The following KDM4B variants were observed in gnomAD, a reference collection of about 807,000 sequenced individuals.
KDM4B encodes the protein lysine-specific demethylase 4B.
KDM4B carries 32 observed loss-of-function variants against 125.2 expected under a neutral mutation model. That is an observed-to-expected ratio of 0.26 (90% confidence interval 0.19 to 0.34). KDM4B has a LOEUF of 0.34. Ranked by LOEUF, KDM4B falls within the 10% of genes least tolerant of loss-of-function variation. The probability of loss-of-function intolerance (pLI) is 1.00; values close to 1 mark genes in which losing one functional copy is unlikely to be tolerated. For synonymous variants in KDM4B, 721 were observed against 677.9 expected, an observed-to-expected ratio of 1.06 and a Z score of -0.99; for missense variants, 1,190 against 1,577.7, an observed-to-expected ratio of 0.75 and a Z score of 4.16.
intron 1 of KDM4B, among the ~76,000 whole-genome samples, chr19:4,988,434 C>T (rs1390818265): frequency 2.0e-5 from 3 of 152,128 alleles, no homozygotes; most frequent in Non-Finnish European, 4.4e-5. Context: ...CGCCACCACG[C>T]CCGGCTAATT....
chr19:5,091,155 C>T (rs553981926), intron 9 of KDM4B, among the ~76,000 whole-genome samples: 15 of 152,362 alleles, frequency 9.8e-5, no homozygotes, highest in African/African-American at 3.4e-4. Flanking sequence ...AGCACGCGGC[C>T]GGGCTGGCCC....
At chr19:4,980,223 T>C (rs2034588992) in intron 1 of KDM4B, among the ~76,000 whole-genome samples, 1 of 152,146 alleles carries the variant, frequency 6.6e-6, no homozygotes, top group Non-Finnish European at 1.5e-5. Flanking sequence ...CCTCCACCAG[T>C]GGTCACTATC....
In KDM4B at chr19:5,141,119, G is replaced by A. The variant is rs2039734850; in HGVS notation, c.2551-2848G>A. 1.3e-5 allele frequency: 2 copies of A among 152,370 alleles called. No homozygotes were observed. Among genetic ancestry groups the A allele is most frequent in the Non-Finnish European group, 2.9e-5 (2 of 68,058 alleles). 9.4% of individuals were successfully genotyped at this position (152,370 alleles called of 1,614,324 possible). A position where few individuals can be genotyped will look rare whatever the true frequency, so the allele number is the denominator to read the frequency against. ...ACTGGTGCGAGGTGCCCACGAGCCC[G>A]GCGGGCTTGGATGCCATGCTTGGAG... On this transcript the variant is annotated intron_variant, in intron 18 of 22. Transcript: ENST00000159111. The surrounding 1 kb of genome is among the most constrained non-coding windows in gnomAD (Gnocchi z 6.4).
intron 1 of KDM4B, among the ~76,000 whole-genome samples, chr19:4,980,096 C>A (rs1270115861): frequency 7.7e-6 from 1 of 130,230 alleles, no homozygotes; most frequent in African/African-American, 3.2e-5. Flanking sequence ...CAGAGCAAGA[C>A]CTTTTCTCAA....
intron 10 of KDM4B, among the ~76,000 whole-genome samples, chr19:5,118,076 G>A (rs2039291784): frequency 6.6e-6 from 1 of 152,170 alleles, no homozygotes; most frequent in Non-Finnish European, 1.5e-5. Context: ...ATGGGCTGCT[G>A]CTGGCCCATG....
chr19:5,070,562 G>A (rs1214367904), intron 6 of KDM4B: 1 of 155,166 alleles, frequency 6.4e-6, no homozygotes, highest in Non-Finnish European at 1.4e-5. Context: ...AGGGTGACGT[G>A]GGCCTGGAGA....
rs961704539 is a variant in KDM4B, at chr19:5,077,617, G to T, written c.780+147G>T. 6.2e-6 allele frequency: 4 copies of T among 643,696 alleles called. No individual in the cohort carries two copies. The East Asian group carries it at 8.4e-5, about 13-fold the overall frequency. 39.9% of individuals were successfully genotyped at this position (643,696 alleles called of 1,614,324 possible). ...TAGCATGCCAGAGGAGGGCCGCATG[G>T]CTCAGCAGTTAGCCTCCAGCTCTTC... On this transcript the variant is annotated intron_variant, in intron 8 of 22. Transcript: ENST00000159111.
Position 5,151,409 on chromosome 19 carries a change from G to T in KDM4B, c.3189G>T (p.Val1063=). ...EEAKAAKRPR[V]GTPLATEDSG... ...CCAAGGCCGCCAAGCGCCCGCGTGTGGGCACCCCGCTTGCCACGGAGGACT... is the reference window on the plus strand; with the variant it reads ...CCAAGGCCGCCAAGCGCCCGCGTGTTGGCACCCCGCTTGCCACGGAGGACT... The change falls in exon 23 of 23, where the codon GTG becomes GTT. Residue 1063 remains valine (V), a synonymous_variant. Coordinates refer to ENST00000159111, the MANE Select transcript of KDM4B (RefSeq NM_015015.3). 6.3e-7 allele frequency: 1 copy of T among 1,580,114 alleles called. No homozygotes were observed. The highest frequency in any genetic ancestry group is 8.6e-7 in the Non-Finnish European group (1 of 1,165,734).
rs538624551 is a variant in KDM4B at position 5,150,216 on chromosome 19, A to T, written c.3022-142A>T. ...GCAGGCGGTGTCAGAGGTGGACATG[A>T]GCTTCAGCTTGGCTGCATGTGGCCT... On this transcript the variant is annotated intron_variant, in intron 21 of 22. Coordinates refer to ENST00000159111, the MANE Select transcript of KDM4B (RefSeq NM_015015.3). 6 of 616,726 alleles carry T rather than the reference A, an allele frequency of 9.7e-6. No individual in the cohort carries two copies. The African/African-American group carries it at 1.1e-4, about 11-fold the overall frequency. 38.2% of individuals were successfully genotyped at this position (616,726 alleles called of 1,614,324 possible). A position where few individuals can be genotyped will look rare whatever the true frequency, so the allele number is the denominator to read the frequency against.
At chr19:5,077,193 C>T (rs1033166895) in intron 7 of KDM4B, 174 bp from the exon 8 acceptor site, 1 of 641,736 alleles carries the variant, frequency 1.6e-6, no homozygotes, top group Non-Finnish European at 2.8e-6. Flanking sequence ...CTCCTTCCCC[C>T]CGACCTGCAG....
At chr19:5,124,360 G>A (rs2039414519) in intron 11 of KDM4B, among the ~76,000 whole-genome samples, 1 of 152,226 alleles carries the variant, frequency 6.6e-6, no homozygotes, top group South Asian at 2.1e-4. Flanking sequence ...CAGGCAGCGA[G>A]GAAAGTGGCC....
Position 5,138,053 on chromosome 19 carries a change from G to A in KDM4B, c.2533G>A (p.Glu845Lys), listed in dbSNP as rs749062610. ...RHPVDISAIP[E>K]QRWKLKCVYC... ...CCCTGTGGACATCAGCGCCATCCCCGAGCAGCGGTGGAAGCTGGTAGGTCC... is the reference window on the plus strand; with the variant it reads ...CCCTGTGGACATCAGCGCCATCCCCAAGCAGCGGTGGAAGCTGGTAGGTCC... The change falls in exon 18 of 23, where the codon GAG becomes AAG. Residue 845 changes from glutamate to lysine, a missense_variant. Transcript: ENST00000159111. The A allele has an allele frequency of 1.8e-5, 29 of 1,612,058 alleles. No individual in the cohort carries two copies. The highest frequency in any genetic ancestry group is 2.5e-5 in the Non-Finnish European group (29 of 1,179,714).
rs566041498 is a variant in KDM4B at position 5,045,697 on chromosome 19, T to A, written c.433-1779T>A. Among the ~76,000 whole-genome samples, 15 of 152,224 alleles carry A rather than the reference T, an allele frequency of 9.9e-5. No individual in the cohort carries two copies. In the South Asian group the frequency reaches 2.9e-3, roughly 29 times the overall value. ...ACCATGTTGGCCAGGATGGTCTCAA[T>A]CTCTTGACTTCGTGATCTGCCCGCC... is the stretch of plus-strand genomic sequence containing the variant. On this transcript the variant is annotated intron_variant, in intron 5 of 22. Coordinates refer to ENST00000159111, the MANE Select transcript of KDM4B (RefSeq NM_015015.3).
intron 9 of KDM4B, among the ~76,000 whole-genome samples, chr19:5,096,520 C>T (rs1401293047): frequency 6.6e-6 from 1 of 152,206 alleles, no homozygotes; most frequent in African/African-American, 2.4e-5. Flanking sequence ...GACCTCAGTG[C>T]CCCTGCCCAG....
rs2036583182 is a variant in KDM4B, at chr19:5,035,318, T to G, written c.141+2287T>G. Among the ~76,000 whole-genome samples the G allele has an allele frequency of 6.6e-6, 1 of 152,144 alleles. No homozygotes were observed. The highest frequency in any genetic ancestry group is 1.5e-5 in the Non-Finnish European group (1 of 68,024). ...CCAGGATGCAGCAGCCCTTTCTGGC[T>G]TGGGATCCAAGGCGTCCTGATGTCA... On this transcript the variant is annotated intron_variant, in intron 3 of 22. Coordinates refer to ENST00000159111, the MANE Select transcript of KDM4B (RefSeq NM_015015.3). This position sits in a 1 kb window ranked among gnomAD's most constrained non-coding sequence, Gnocchi z 5.3.
Position 5,143,273 on chromosome 19 carries a change from T to G in KDM4B, c.2551-694T>G, listed in dbSNP as rs984047064. Among the ~76,000 whole-genome samples, 54 of 151,088 alleles carry G rather than the reference T, an allele frequency of 3.6e-4. 1 individual carries two copies. The highest frequency in any genetic ancestry group is 1.2e-3 in the African/African-American group (49 of 40,996). ...AGGAGTTGGAGACCGCAGTGAGCTATGATCGCGCCGTGTGCTCCAGCCTGG... is the reference window on the plus strand; with the variant it reads ...AGGAGTTGGAGACCGCAGTGAGCTAGGATCGCGCCGTGTGCTCCAGCCTGG... On this transcript the variant is annotated intron_variant, in intron 18 of 22. Transcript: ENST00000159111.
At chr19:5,026,925 G>A (rs531347365) in intron 2 of KDM4B, among the ~76,000 whole-genome samples, 4 of 152,318 alleles carry the variant, frequency 2.6e-5, no homozygotes, top group Admixed American at 1.3e-4. Context: ...CTACAAGGAT[G>A]GGGCAGGGCG....
intron 9 of KDM4B, among the ~76,000 whole-genome samples, chr19:5,086,235 C>A (rs1302200140): frequency 7.0e-6 from 1 of 142,700 alleles, no homozygotes; most frequent in Non-Finnish European, 1.5e-5. Flanking sequence ...TTTTTGTGCT[C>A]AGGAGCTGAC....
chr19:5,150,618 G>T (rs893161848), intron 22 of KDM4B, among the ~76,000 whole-genome samples, 168 bp downstream of exon 22: 1 of 152,168 alleles, frequency 6.6e-6, no homozygotes, highest in South Asian at 2.1e-4. Context: ...TGGGCTCCTG[G>T]CAGGAGACCC....
Sources: allele counts gnomAD v4.1 joint callset (sites outside exome capture counted in the v4.1 genomes callset), GRCh38; gene constraint gnomAD v4.1.1; non-coding constraint Gnocchi (gnomAD v3.1); transcripts MANE v1.5; gene names NCBI Gene and HGNC (gene_info 2026-07-23, HGNC 2026-07-21).